IFT56: variants seen among roughly 807,000 people sequenced by gnomAD.
IFT56 encodes the protein intraflagellar transport protein 56.
chr7:139,189,936 G>T, the IFT56 span: 1 of 152,318 alleles, frequency 6.6e-6, no homozygotes, highest in Admixed American at 6.5e-5. Flanking sequence ...TCTAAGAAAG[G>T]CAGTAAGCTA....
chr7:139,137,333 A>G, the IFT56 span, among the ~76,000 whole-genome samples: 6 of 152,214 alleles, frequency 3.9e-5, no homozygotes, highest in East Asian at 1.2e-3. Flanking sequence ...AGGGTAATAG[A>G]AAGATTCTCA....
chr7:139,147,336 G>A, the IFT56 span: 1 of 1,516,760 alleles, frequency 6.6e-7, no homozygotes, highest in East Asian at 2.3e-5. Flanking sequence ...CATTTTGTTA[G>A]TTTCTTCTTT....
the IFT56 span, among the ~76,000 whole-genome samples, chr7:139,188,081 TTTTCTTTTTTTTTTTCTTTC>T: frequency 6.6e-6 from 1 of 151,490 alleles, no homozygotes; most frequent in Non-Finnish European, 1.5e-5. Flanking sequence ...GGTTTATACT[TTTTCTTTTTTTTTTTCTTTC>T]TTTCTTTTTT....
the IFT56 span, among the ~76,000 whole-genome samples, chr7:139,135,525 T>C: frequency 2.0e-5 from 3 of 152,298 alleles, no homozygotes; most frequent in South Asian, 6.2e-4. Context: ...CCAGAAAATA[T>C]TTCAAATCTC....
chr7:139,152,277 C>T, the IFT56 span, among the ~76,000 whole-genome samples: 2 of 152,156 alleles, frequency 1.3e-5, no homozygotes, highest in Non-Finnish European at 2.9e-5. Flanking sequence ...CAGACATGCG[C>T]CACTGTGCCT....
the IFT56 span, among the ~76,000 whole-genome samples, chr7:139,154,973 C>CTTTTTATTT: frequency 6.6e-6 from 1 of 151,888 alleles, no homozygotes; most frequent in African/African-American, 2.4e-5. Flanking sequence ...AATGTTTTTC[C>CTTTTTATTT]ATTTATTTAG....
the IFT56 span, chr7:139,148,276 G>A: frequency 6.2e-7 from 1 of 1,613,982 alleles, no homozygotes; most frequent in Non-Finnish European, 8.5e-7. Flanking sequence ...TGTGTCTCAA[G>A]AAGTTTTGGC....
chr7:139,173,611 A>G, the IFT56 span: 1 of 813,000 alleles, frequency 1.2e-6, no homozygotes, highest in Non-Finnish European at 2.2e-6. Context: ...TTCTTAATCC[A>G]TCCACCATCT....
the IFT56 span, among the ~76,000 whole-genome samples, chr7:139,159,410 T>C: frequency 2.2e-4 from 34 of 152,320 alleles, no homozygotes; most frequent in African/African-American, 7.7e-4. Context: ...AATCCTATTA[T>C]ATAACTGTTT....
the IFT56 span, among the ~76,000 whole-genome samples, chr7:139,180,893 C>T: frequency 6.6e-6 from 1 of 152,158 alleles, no homozygotes; most frequent in South Asian, 2.1e-4. Context: ...AATTATGTGA[C>T]TCCTAACTTA....
chr7:139,134,823 T>G, the IFT56 span: 1 of 1,605,502 alleles, frequency 6.2e-7, no homozygotes, highest in Non-Finnish European at 8.5e-7. Flanking sequence ...CTTCTTAGTG[T>G]ATGAATACCA....
the IFT56 span, among the ~76,000 whole-genome samples, chr7:139,188,499 T>C: frequency 1.3e-5 from 2 of 152,344 alleles, no homozygotes; most frequent in South Asian, 2.1e-4. Flanking sequence ...GAATAGGAAA[T>C]GTGTTAATTT....
the IFT56 span, among the ~76,000 whole-genome samples, chr7:139,158,329 A>G: frequency 6.6e-6 from 1 of 151,036 alleles, no homozygotes; most frequent in Non-Finnish European, 1.5e-5. Context: ...AAAAAAACCA[A>G]CAAAGTAAAA....
the IFT56 span, among the ~76,000 whole-genome samples, chr7:139,186,529 G>C: frequency 6.6e-6 from 1 of 151,986 alleles, no homozygotes; most frequent in African/African-American, 2.4e-5. Flanking sequence ...GAAATGTGTA[G>C]TACATTTGGG....
chr7:139,147,381 G>C, the IFT56 span: 6 of 1,051,964 alleles, frequency 5.7e-6, no homozygotes, highest in Non-Finnish European at 8.1e-6. Context: ...TCTGGATCTA[G>C]TACCACTATG....
chr7:139,176,223 CAAAG>C, the IFT56 span, among the ~76,000 whole-genome samples: 28 of 151,918 alleles, frequency 1.8e-4, no homozygotes, highest in African/African-American at 6.8e-4. Context: ...GTTTGTAACA[CAAAG>C]AAAGGATAAA....
the IFT56 span, among the ~76,000 whole-genome samples, chr7:139,146,757 A>G: frequency 7.6e-6 from 1 of 132,038 alleles, no homozygotes; most frequent in Non-Finnish European, 1.5e-5. Flanking sequence ...ACAGGGCAAG[A>G]CTCCGTTTCA....
chr7:139,146,835 T>C, the IFT56 span: 1 of 308,086 alleles, frequency 3.2e-6, no homozygotes, highest in African/African-American at 2.6e-5. Context: ...GTAAAGAGAG[T>C]AGACAGAAAA....
the IFT56 span, chr7:139,140,057 G>A: frequency 1.6e-6 from 2 of 1,247,108 alleles, no homozygotes; most frequent in Admixed American, 2.4e-5. Flanking sequence ...GAGTTGTTTT[G>A]AAGATTTTAA....
Sources: gnomAD v4.1 joint callset for allele counts (sites outside exome capture counted in the v4.1 genomes callset) on GRCh38, gnomAD v4.1.1 for gene constraint, MANE v1.5 for transcripts, NCBI Gene and HGNC (gene_info 2026-07-23, HGNC 2026-07-21) for gene names.